ZNF493: variants seen among roughly 807,000 people sequenced by gnomAD.
The protein encoded by ZNF493 is zinc finger protein 493.
A neutral mutation model predicts 12.2 loss-of-function variants in ZNF493; 11 were observed. The ratio of observed to expected loss-of-function variants is 0.90; its 90% CI spans 0.57 to 1.50. ZNF493 has a LOEUF of 1.50. Among genes scored for constraint, ZNF493 ranks in the 40% most tolerant of loss-of-function variants. ZNF493 has a pLI of 0.00. For missense variants in ZNF493, 950 were observed against 906.6 expected, an observed-to-expected ratio of 1.05 and a Z score of -0.61; for synonymous variants, 286 against 302.6, an observed-to-expected ratio of 0.95 and a Z score of 0.57.
Position 21,423,171 on chromosome 19 carries a change from G to A in ZNF493, c.512G>A (p.Arg171Lys), listed in dbSNP as rs370310341. The change falls in exon 4 of 4, where the codon AGA becomes AAA. Residue 171 changes from arginine to lysine, a missense_variant. Physicochemically the swap from Arg to Lys is conservative, Grantham distance 26. Transcript: ENST00000392288. ...TTTCATAAACTTTTAAATTCAAATA[G>A]ACATAACACAAAACATACTGGAAAG... ...KVFHKLLNSN[R>K]HNTKHTGKKP... is the part of the protein sequence containing the mutation. 128 of 1,613,244 alleles carry A rather than the reference G, an allele frequency of 7.9e-5. No homozygotes were observed. The highest frequency in any genetic ancestry group is 1.0e-4 in the Non-Finnish European group (121 of 1,179,728).
chr19:21,426,615 A>G lies in ZNF493; in HGVS notation c.*1631A>G, dbSNP rs751592741. The stretch of plus-strand genomic sequence containing the variant: ...GAAGAGGTCACTCAAACTTTGTTCA[A>G]CATCAGGGAATTTATATTGGAGAGC... On this transcript the variant is annotated 3_prime_UTR_variant, in exon 4 of 4. Coordinates refer to ENST00000392288, the MANE Select transcript of ZNF493 (RefSeq NM_001076678.3). The G allele has an allele frequency of 6.0e-6, 1 of 166,922 alleles. No individual in the cohort carries two copies. Among genetic ancestry groups the G allele is most frequent in the Admixed American group, 6.5e-5 (1 of 15,278 alleles). The allele number at this position is 166,922 out of a possible 1,614,324, so 10.3% of individuals were successfully genotyped here. A position where few individuals can be genotyped will look rare whatever the true frequency, so the allele number is the denominator to read the frequency against.
rs1463799018 is a variant in ZNF493 at position 21,425,694 on chromosome 19, T to A, written c.*710T>A. The stretch of plus-strand genomic sequence containing the variant: ...TCATGCTGGAGAGAAACCCTACAAA[T>A]GTGAAAAATGTGGCAAAGCTTTTAA... On this transcript the variant is annotated 3_prime_UTR_variant, in exon 4 of 4. Transcript: ENST00000392288. 2 of 739,958 alleles carry A rather than the reference T, an allele frequency of 2.7e-6. No homozygotes were observed. Among genetic ancestry groups the A allele is most frequent in the Non-Finnish European group, 4.6e-6 (2 of 437,958 alleles). 45.8% of individuals were successfully genotyped at this position (739,958 alleles called of 1,614,324 possible).
At chr19:21,397,394 G>T in intron 1 of ZNF493, 127 bp downstream of exon 1, 3 of 1,202,284 alleles carry the variant, frequency 2.5e-6, no homozygotes, top group South Asian at 2.5e-5. Flanking sequence ...AGTTCTCCTT[G>T]CCCAGCTCGG....
At chr19:21,399,381 C>T (rs188303900) in intron 1 of ZNF493, among the ~76,000 whole-genome samples, 1 of 152,034 alleles carries the variant, frequency 6.6e-6, no homozygotes, top group Non-Finnish European at 1.5e-5. Context: ...AGGCTGGTCT[C>T]AATCTCCTGA....
intron 3 of ZNF493, among the ~76,000 whole-genome samples, chr19:21,417,504 C>T (rs921784538): frequency 6.6e-6 from 1 of 152,162 alleles, no homozygotes; most frequent in African/African-American, 2.4e-5. Flanking sequence ...AATCTGTAAT[C>T]ACCTTTTTAA....
chr19:21,419,015 A>C (rs560846637), intron 3 of ZNF493, among the ~76,000 whole-genome samples: 109 of 152,326 alleles, frequency 7.2e-4, no homozygotes, highest in Middle Eastern at 3.4e-3. Context: ...GCCTGTTCCC[A>C]ACATGTAAGC....
chr19:21,424,311 G>A lies in ZNF493; in HGVS notation c.1652G>A (p.Gly551Asp), dbSNP rs754521520. 48 of 1,613,604 alleles carry A rather than the reference G, an allele frequency of 3.0e-5. No individual in the cohort carries two copies. Among genetic ancestry groups the A allele is most frequent in the Non-Finnish European group, 3.9e-5 (46 of 1,179,774 alleles). ...AAACCCTACAAATGTGAAGAATGTGGCAAAGCTTTTAATCGGTCCTCACAC... is the reference window on the plus strand; with the variant it reads ...AAACCCTACAAATGTGAAGAATGTGACAAAGCTTTTAATCGGTCCTCACAC... Reference protein sequence around the residue: ...GEKPYKCEECGKAFNRSSHLT... With the variant: ...GEKPYKCEECDKAFNRSSHLT... Residue 551 changes from glycine (G) to aspartate (D), a missense_variant, in exon 4 of 4, where the codon GGC (glycine) becomes GAC (aspartate). Coordinates refer to ENST00000392288, the MANE Select transcript of ZNF493 (RefSeq NM_001076678.3).
chr19:21,405,813 T>C lies in ZNF493; in HGVS notation c.210T>C (p.Asp70=). Residue 70 remains aspartate, a synonymous_variant, in exon 3 of 4, where the codon GAT becomes GAC. Coordinates refer to ENST00000392288, the MANE Select transcript of ZNF493 (RefSeq NM_001076678.3). The part of the protein sequence containing the change: ...DLVTCLEQGK[D]PWNMKGHSTV... ...TCACCTGTCTGGAGCAAGGAAAAGA[T>C]CCCTGGAATATGAAGGGACACAGTA... 1 of 1,595,798 alleles carries C rather than the reference T, an allele frequency of 6.3e-7. No individual in the cohort carries two copies. The highest frequency in any genetic ancestry group is 1.1e-5 in the South Asian group (1 of 90,720).
In ZNF493 at chr19:21,425,066, TA is replaced by T. The variant is rs1041752388; in HGVS notation, c.*83del. On this transcript the variant is annotated 3_prime_UTR_variant, in exon 4 of 4. Transcript: ENST00000392288. ...CTTTTCACCAGTACTTTACCCTTAA[TA>T]CACATAAGATAATTAATGCTGGAGA... 1.1e-5 allele frequency: 16 copies of T among 1,464,738 alleles called. No individual in the cohort carries two copies. The African/African-American group carries it at 1.9e-4, about 17-fold the overall frequency. 90.7% of individuals were successfully genotyped at this position (1,464,738 alleles called of 1,614,324 possible).
chr19:21,423,423 A>G lies in ZNF493; in HGVS notation c.764A>G (p.His255Arg), dbSNP rs187905305. The G allele has an allele frequency of 7.4e-6, 12 of 1,613,774 alleles. No individual in the cohort carries two copies. Among genetic ancestry groups the G allele is most frequent in the Non-Finnish European group, 1.0e-5 (12 of 1,179,838 alleles). ...SFNQDSNLTTHKRIHTGQKPY... is the reference protein window; with the variant it reads ...SFNQDSNLTTRKRIHTGQKPY... ...AACCAGGACTCAAACCTTACTACACATAAGAGAATTCATACTGGACAGAAA... is the reference window on the plus strand; with the variant it reads ...AACCAGGACTCAAACCTTACTACACGTAAGAGAATTCATACTGGACAGAAA... The change falls in exon 4 of 4, where the codon CAT becomes CGT. Residue 255 changes from histidine to arginine, a missense_variant. His to Arg is a conservative substitution (Grantham distance 29). Coordinates refer to ENST00000392288, the MANE Select transcript of ZNF493 (RefSeq NM_001076678.3).
In ZNF493 at chr19:21,425,414, A is replaced by G. The variant is rs575227011; in HGVS notation, c.*430A>G. 1 of 436,092 alleles carries G rather than the reference A, an allele frequency of 2.3e-6. No individual in the cohort carries two copies. The highest frequency in any genetic ancestry group is 3.4e-5 in the Admixed American group (1 of 29,550). 27.0% of individuals were successfully genotyped at this position (436,092 alleles called of 1,614,324 possible). On this transcript the variant is annotated 3_prime_UTR_variant, in exon 4 of 4. Coordinates refer to ENST00000392288, the MANE Select transcript of ZNF493 (RefSeq NM_001076678.3). ...TCTTATACCTTACTAAACATAAAAT[A>G]ATTCATAAAGGAGATAAATTATACA...
intron 1 of ZNF493, among the ~76,000 whole-genome samples, chr19:21,399,123 G>A (rs186801529): frequency 1.3e-5 from 2 of 152,114 alleles, no homozygotes; most frequent in Admixed American, 6.5e-5. Context: ...GACTTGAAAG[G>A]TGAGTCAGAC....
Position 21,423,311 on chromosome 19 carries a change from G to A in ZNF493, c.652G>A (p.Ala218Thr), listed in dbSNP as rs183217182. The A allele has an allele frequency of 6.2e-7, 1 of 1,613,832 alleles. No individual in the cohort carries two copies. Among genetic ancestry groups the A allele is most frequent in the East Asian group, 2.2e-5 (1 of 44,810 alleles). Residue 218 changes from alanine to threonine, a missense_variant, in exon 4 of 4, where the codon GCC (alanine) becomes ACC (threonine). Transcript: ENST00000392288. Reference sequence around the variant, plus strand: ...TTACCGATGTGAAGAATGTGGCAAAGCCTTTATCTGGTTTTCAACCCTTAC... The same window carrying A: ...TTACCGATGTGAAGAATGTGGCAAAACCTTTATCTGGTTTTCAACCCTTAC... ...NSYRCEECGK[A>T]FIWFSTLTRH...
intron 1 of ZNF493, among the ~76,000 whole-genome samples, chr19:21,404,836 A>G (rs1376576373): frequency 2.6e-5 from 4 of 151,714 alleles, no homozygotes; most frequent in Non-Finnish European, 5.9e-5. Context: ...TTGTGTGGCA[A>G]ATATAGCACT....
chr19:21,404,833 G>A (rs2030061125), intron 1 of ZNF493, among the ~76,000 whole-genome samples: 2 of 151,578 alleles, frequency 1.3e-5, no homozygotes, highest in South Asian at 4.2e-4. Context: ...TCTTTGTGTG[G>A]CAAATATAGC....
chr19:21,420,591 T>TTATATATCTATATA (rs2030628640), intron 3 of ZNF493, among the ~76,000 whole-genome samples: 1 of 10,680 alleles, frequency 9.4e-5, no homozygotes, highest in Non-Finnish European at 1.7e-4. Flanking sequence ...ACTCACTTGA[T>TTATATATCTATATA]TATATATATA....
In ZNF493 at chr19:21,400,705, A is replaced by G. The variant is rs77301811; in HGVS notation, c.30+3438A>G. ...GCTGACAGAAGCTACAGAGTCCTGGAAAGCTACAGGCAGATGCAGTTAAGG... is the reference window on the plus strand; with the variant it reads ...GCTGACAGAAGCTACAGAGTCCTGGGAAGCTACAGGCAGATGCAGTTAAGG... On this transcript the variant is annotated intron_variant, in intron 1 of 3. Coordinates refer to ENST00000392288, the MANE Select transcript of ZNF493 (RefSeq NM_001076678.3). Among the ~76,000 whole-genome samples the G allele has an allele frequency of 8.6e-3, 1,316 of 152,314 alleles. 10 individuals carry two copies. Among genetic ancestry groups the G allele is most frequent in the Non-Finnish European group, 0.014 (931 of 68,032 alleles).
At position 21,423,312 on chromosome 19, in the gene ZNF493, C is replaced by A. The variant is rs779509208; in HGVS notation, c.653C>A (p.Ala218Asp). 33 of 1,613,708 alleles carry A rather than the reference C, an allele frequency of 2.0e-5. No individual in the cohort carries two copies. The highest frequency in any genetic ancestry group is 2.7e-5 in the Non-Finnish European group (32 of 1,179,884). The change falls in exon 4 of 4, where the codon GCC (alanine) becomes GAC (aspartate). Residue 218 changes from alanine (A) to aspartate (D), a missense_variant. Physicochemically the swap from Ala to Asp is moderately radical, Grantham distance 126. Coordinates refer to ENST00000392288, the MANE Select transcript of ZNF493 (RefSeq NM_001076678.3). Reference protein sequence around the residue: ...NSYRCEECGKAFIWFSTLTRH... With the variant: ...NSYRCEECGKDFIWFSTLTRH... The stretch of plus-strand genomic sequence containing the variant: ...TACCGATGTGAAGAATGTGGCAAAG[C>A]CTTTATCTGGTTTTCAACCCTTACT...
chr19:21,401,842 C>T (rs190843248), intron 1 of ZNF493, among the ~76,000 whole-genome samples: 72 of 152,178 alleles, frequency 4.7e-4, no homozygotes, highest in Middle Eastern at 3.4e-3. Context: ...CCAGGCTGTT[C>T]GCTGTTCTTG....
Sources: allele counts gnomAD v4.1 joint callset (sites outside exome capture counted in the v4.1 genomes callset), GRCh38; gene constraint gnomAD v4.1.1; transcripts MANE v1.5; gene names NCBI Gene and HGNC (gene_info 2026-07-23, HGNC 2026-07-21).